Variants in GRK5 observed in about 807,000 individuals in gnomAD.
GRK5 encodes the protein g protein-coupled receptor kinase GRK5.
A neutral mutation model predicts 78.4 loss-of-function variants in GRK5; 40 were observed. The observed-to-expected ratio is 0.51, with a 90% CI of 0.40 to 0.66. The LOEUF (loss-of-function observed/expected upper bound fraction) is 0.66, where lower values mean the gene tolerates loss of function less well. Ranked by LOEUF, GRK5 falls within the 30% of genes least tolerant of loss-of-function variation. GRK5 has a pLI of 0.00. For synonymous variants in GRK5, 289 were observed against 296.8 expected (o/e 0.97, Z 0.27); for missense variants, 598 against 759.9 (o/e 0.79, Z 2.50).
At chr10:119,422,133 A>G (rs1409651777) in intron 4 of GRK5, among the ~76,000 whole-genome samples, 2 of 151,558 alleles carry the variant, frequency 1.3e-5, no homozygotes, top group Non-Finnish European at 2.9e-5. Flanking sequence ...TTAAAAACCC[A>G]TCTCAAAGCC....
At chr10:119,368,175 G>A (rs56832668) in intron 2 of GRK5, among the ~76,000 whole-genome samples, 5,507 of 152,334 alleles carry the variant, frequency 0.036, 244 homozygotes, top group African/African-American at 0.098. Flanking sequence ...GGATGGGCTG[G>A]GCATTGCCAT....
intron 4 of GRK5, 91 bp downstream of exon 4, chr10:119,396,863 G>A: frequency 3.2e-6 from 3 of 928,840 alleles, no homozygotes; most frequent in Non-Finnish European, 5.3e-6. Flanking sequence ...CACATGGGGA[G>A]CTGTTAAGTG....
In GRK5 at chr10:119,270,535, C is replaced by T. The variant is rs555286130; in HGVS notation, c.53-55981C>T. Among the ~76,000 whole-genome samples, 68 of 152,282 alleles carry T rather than the reference C, an allele frequency of 4.5e-4. No homozygotes were observed. In the South Asian group the frequency reaches 0.011, roughly 26 times the overall value. Reference sequence around the variant, plus strand: ...ATTTTATATCAGGGACTTGAGCATCCATGGACTTTGCCATCTGAGGGGGGC... The same window carrying T: ...ATTTTATATCAGGGACTTGAGCATCTATGGACTTTGCCATCTGAGGGGGGC... On this transcript the variant is annotated intron_variant, in intron 1 of 15. Coordinates refer to ENST00000392870, the MANE Select transcript of GRK5 (RefSeq NM_005308.3).
At chr10:119,355,951 G>A (rs1219745903) in intron 2 of GRK5, among the ~76,000 whole-genome samples, 2 of 152,144 alleles carry the variant, frequency 1.3e-5, no homozygotes, top group Non-Finnish European at 2.9e-5. Context: ...AGAAACAACC[G>A]ATGCTATATA....
At chr10:119,323,872 GA>G (rs924217966) in intron 1 of GRK5, among the ~76,000 whole-genome samples, 30 of 152,174 alleles carry the variant, frequency 2.0e-4, no homozygotes, top group African/African-American at 7.2e-4. Context: ...CAAGTCCCCT[GA>G]GTCCATTATA....
intron 4 of GRK5, among the ~76,000 whole-genome samples, chr10:119,419,875 C>G (rs1852534445): frequency 6.6e-6 from 1 of 152,240 alleles, no homozygotes; most frequent in Admixed American, 6.5e-5. Context: ...TTGTCTCGAG[C>G]TGCATCACTT....
intron 4 of GRK5, among the ~76,000 whole-genome samples, chr10:119,409,013 T>C (rs1021138198): frequency 6.6e-6 from 1 of 152,118 alleles, no homozygotes; most frequent in African/African-American, 2.4e-5. Flanking sequence ...TTCCCAGGTG[T>C]AGCAGGGGGC....
chr10:119,213,316 G>A (rs764566592), intron 1 of GRK5, among the ~76,000 whole-genome samples: 4 of 152,144 alleles, frequency 2.6e-5, no homozygotes, highest in Non-Finnish European at 4.4e-5. Flanking sequence ...ATTGAGATCA[G>A]CCTGGCCAAC....
intron 1 of GRK5, among the ~76,000 whole-genome samples, chr10:119,317,563 G>A (rs1850513209): frequency 1.3e-5 from 2 of 152,152 alleles, no homozygotes; most frequent in Non-Finnish European, 1.5e-5. Flanking sequence ...CGGTATAGGA[G>A]GGGCCTCATA....
chr10:119,419,447 G>T (rs184896001), intron 4 of GRK5, among the ~76,000 whole-genome samples: 1 of 152,236 alleles, frequency 6.6e-6, no homozygotes, highest in Admixed American at 6.5e-5. Context: ...AGTTTCAGAC[G>T]CAATGGCCAG....
chr10:119,255,141 C>G (rs1210514160), intron 1 of GRK5, among the ~76,000 whole-genome samples: 1 of 151,766 alleles, frequency 6.6e-6, no homozygotes, highest in Non-Finnish European at 1.5e-5. Context: ...AGGAGATGAG[C>G]CATTTGGAAG....
chr10:119,268,153 A>G (rs916650634), intron 1 of GRK5, among the ~76,000 whole-genome samples: 2 of 152,242 alleles, frequency 1.3e-5, no homozygotes, highest in South Asian at 2.1e-4. Context: ...CTAGATGCAG[A>G]AATTTTCTGT....
chr10:119,398,893 C>T (rs1852101462), intron 4 of GRK5, among the ~76,000 whole-genome samples: 2 of 152,350 alleles, frequency 1.3e-5, no homozygotes, highest in South Asian at 2.1e-4. Context: ...GGGCGGAGTG[C>T]TCCCTTTGCC....
At chr10:119,218,844 A>T (rs1848617224) in intron 1 of GRK5, among the ~76,000 whole-genome samples, 1 of 151,976 alleles carries the variant, frequency 6.6e-6, no homozygotes, top group African/African-American at 2.4e-5. Flanking sequence ...TGAATGACTG[A>T]TGCTACACAG....
At chr10:119,335,960 C>T (rs1007914218) in intron 2 of GRK5, 2 of 152,376 alleles carry the variant, frequency 1.3e-5, no homozygotes. Context: ...GTGTTGCACA[C>T]AGGCCATCAT....
intron 1 of GRK5, among the ~76,000 whole-genome samples, chr10:119,280,775 CCTT>C (rs1350578172): frequency 8.9e-6 from 1 of 112,318 alleles, no homozygotes; most frequent in Non-Finnish European, 1.7e-5. Context: ...CTCCCTCCCT[CCTT>C]TTCTTTTTTT....
intron 1 of GRK5, among the ~76,000 whole-genome samples, chr10:119,284,297 A>G (rs994468733): frequency 5.9e-5 from 9 of 152,062 alleles, no homozygotes; most frequent in Non-Finnish European, 1.2e-4. Context: ...GTATCTGCAA[A>G]TGGTTATCAT....
chr10:119,308,216 A>T (rs980383177), intron 1 of GRK5, among the ~76,000 whole-genome samples: 13 of 152,110 alleles, frequency 8.5e-5, no homozygotes, highest in Non-Finnish European at 1.6e-4. Context: ...TGCCCACAGC[A>T]GCTCCTGTTC....
chr10:119,218,644 A>G (rs1564852161), intron 1 of GRK5, among the ~76,000 whole-genome samples: 1 of 152,146 alleles, frequency 6.6e-6, no homozygotes, highest in Non-Finnish European at 1.5e-5. Flanking sequence ...TAGGAAGAAT[A>G]GGGGTGGAGT....
Sources: allele counts gnomAD v4.1 joint callset (sites outside exome capture counted in the v4.1 genomes callset), GRCh38; gene constraint gnomAD v4.1.1; transcripts MANE v1.5; gene names NCBI Gene and HGNC (gene_info 2026-07-23, HGNC 2026-07-21).